Variants in SRBD1 observed in about 807,000 individuals in gnomAD.
SRBD1 encodes the protein S1 RNA binding domain 1.
Under a neutral mutation model 115.3 loss-of-function variants are expected in SRBD1, and 88 were observed. The ratio of observed to expected loss-of-function variants is 0.76; its 90% CI spans 0.64 to 0.91. The LOEUF (loss-of-function observed/expected upper bound fraction) is 0.91. Ranked by LOEUF, SRBD1 falls within the 40% of genes least tolerant of loss-of-function variation. SRBD1 has a pLI of 0.00. For synonymous variants in SRBD1, 509 were observed against 407.7 expected (o/e 1.25, Z -2.99); for missense variants, 1,385 against 1,177.4 (o/e 1.18, Z -2.58).
intron 16 of SRBD1, among the ~76,000 whole-genome samples, chr2:45,463,393 ATTC>A (rs1669384657): frequency 6.6e-6 from 1 of 152,168 alleles, no homozygotes; most frequent in Non-Finnish European, 1.5e-5. Flanking sequence ...TGCCTGTGCT[ATTC>A]TTAAAGATCA....
Position 45,413,124 on chromosome 2 carries a change from T to G in SRBD1, c.2503A>C (p.Ile835Leu), listed in dbSNP as rs770600581. ...QTCIHPESYD[I>L]AMRFLSSIGG... ...GGGCCTCAGACTTACCTCATTGCTA[T>G]GTCATATGATTCTGGATGAATACAA... The change falls in exon 19 of 21, where the codon ATA (isoleucine) becomes CTA (leucine). Residue 835 changes from isoleucine to leucine, a missense_variant. Ile to Leu is a conservative substitution (Grantham distance 5). Transcript: ENST00000263736. The G allele has an allele frequency of 2.5e-6, 4 of 1,613,676 alleles. No individual in the cohort carries two copies. The highest frequency in any genetic ancestry group is 3.4e-6 in the Non-Finnish European group (4 of 1,179,806).
rs1558563586 is a variant in SRBD1, at chr2:45,414,807, C to CACACACATAGTGTGTATATAGTATGTAT, written c.2334-1515_2334-1514insATACATACTATATACACACTATGTGTGT. On this transcript the variant is annotated intron_variant, in intron 18 of 20. Transcript: ENST00000263736. ...ACACATAGTGTGTATATAGTATGTA[C>CACACACATAGTGTGTATATAGTATGTAT]ACACACATATAGTGTGTATATAGTA... Among the ~76,000 whole-genome samples the CACACACATAGTGTGTATATAGTATGTAT allele has an allele frequency of 3.7e-5, 5 of 136,696 alleles. 1 individual carries two copies. The highest frequency in any genetic ancestry group is 1.5e-4 in the African/African-American group (5 of 34,278). The allele number at this position is 136,696 out of a possible 152,430, so 89.7% of individuals were successfully genotyped here.
intron 14 of SRBD1, among the ~76,000 whole-genome samples, chr2:45,503,683 C>G (rs1032752278): frequency 2.0e-5 from 3 of 152,132 alleles, no homozygotes; most frequent in Admixed American, 1.3e-4. Flanking sequence ...TAATTAGCAA[C>G]TGTGTGAAAC....
intron 16 of SRBD1, among the ~76,000 whole-genome samples, chr2:45,450,297 T>A (rs1013439652): frequency 6.6e-6 from 1 of 152,162 alleles, no homozygotes; most frequent in Non-Finnish European, 1.5e-5. Flanking sequence ...AGGGCAGGGA[T>A]CATGAACTTT....
At chr2:45,400,556 T>C (rs1667265082) in intron 19 of SRBD1, among the ~76,000 whole-genome samples, 3 of 151,948 alleles carry the variant, frequency 2.0e-5, no homozygotes, top group African/African-American at 4.8e-5. Context: ...TCAAATTACA[T>C]CCAGATCACA....
rs767072527 is a variant in SRBD1, at chr2:45,546,856, G to C, written c.1767-17C>G. 7.5e-6 allele frequency: 12 copies of C among 1,610,592 alleles called. No homozygotes were observed. In the Admixed American group the frequency reaches 2.0e-4, roughly 27 times the overall value. On this transcript the variant is annotated splice_polypyrimidine_tract_variant and intron_variant, in intron 13 of 20. Coordinates refer to ENST00000263736, the MANE Select transcript of SRBD1 (RefSeq NM_018079.5). ...GTGCTGCAGCTTCAAGGCAGAAACAGAATGACAAACTGAATTTCAAGGCAT... is the reference window on the plus strand; with the variant it reads ...GTGCTGCAGCTTCAAGGCAGAAACACAATGACAAACTGAATTTCAAGGCAT...
chr2:45,425,681 T>A (rs1265763046), intron 16 of SRBD1, among the ~76,000 whole-genome samples: 1 of 151,502 alleles, frequency 6.6e-6, no homozygotes, highest in African/African-American at 2.4e-5. Flanking sequence ...AGAAGCAGGG[T>A]GGAAAGCGCA....
chr2:45,595,769 A>G (rs559923464), intron 4 of SRBD1, among the ~76,000 whole-genome samples: 1 of 152,380 alleles, frequency 6.6e-6, no homozygotes, highest in South Asian at 2.1e-4. Context: ...TTAAGGAAGG[A>G]TAATTGCAAC....
rs148010657 is a variant in SRBD1 at position 45,543,419 on chromosome 2, T to A, written c.1874+3313A>T. On this transcript the variant is annotated intron_variant, in intron 14 of 20. Coordinates refer to ENST00000263736, the MANE Select transcript of SRBD1 (RefSeq NM_018079.5). ...TGGCATTTGTTAACCTATGGCAGCA[T>A]GTCAGGGCAAAGAGTGTTGGAAGGA... Among the ~76,000 whole-genome samples the A allele has an allele frequency of 7.0e-3, 1,065 of 152,324 alleles. 9 individuals carry two copies. The highest frequency in any genetic ancestry group is 0.011 in the Non-Finnish European group (719 of 68,032).
intron 16 of SRBD1, among the ~76,000 whole-genome samples, 178 bp downstream of exon 16, chr2:45,476,812 GAAC>G (rs773811668): frequency 5.3e-5 from 8 of 152,046 alleles, no homozygotes; most frequent in African/African-American, 9.7e-5. Context: ...ATTAACACGA[GAAC>G]AACAATGACA....
chr2:45,607,201 A>T (rs1674300044), intron 1 of SRBD1, among the ~76,000 whole-genome samples: 1 of 152,228 alleles, frequency 6.6e-6, no homozygotes, highest in East Asian at 1.9e-4. Context: ...GGTAATTGTG[A>T]TTTTTATATT....
intron 7 of SRBD1, among the ~76,000 whole-genome samples, chr2:45,576,114 CA>C (rs1673169480): frequency 6.6e-6 from 1 of 151,028 alleles, no homozygotes. Context: ...GAGACAGAAA[CA>C]ACTCCTCCTC....
At chr2:45,558,685 ATTTTTTT>A (rs1214807980) in intron 10 of SRBD1, among the ~76,000 whole-genome samples, 5 of 89,530 alleles carry the variant, frequency 5.6e-5, no homozygotes, top group Non-Finnish European at 8.7e-5. Context: ...CCACACAATT[ATTTTTTT>A]TTTTTTTTTT....
intron 16 of SRBD1, among the ~76,000 whole-genome samples, chr2:45,430,195 G>A (rs1668289038): frequency 6.6e-6 from 1 of 152,154 alleles, no homozygotes; most frequent in Non-Finnish European, 1.5e-5. Context: ...AATCAATATT[G>A]TGAAAATGGC....
chr2:45,516,971 A>C (rs6719010), intron 14 of SRBD1, among the ~76,000 whole-genome samples: 14,268 of 152,266 alleles, frequency 0.094, 999 homozygotes, highest in African/African-American at 0.19. Flanking sequence ...GCACCCATGG[A>C]GCTTACATGT....
At chr2:45,440,371 G>A (rs1176659394) in intron 16 of SRBD1, among the ~76,000 whole-genome samples, 4 of 152,152 alleles carry the variant, frequency 2.6e-5, no homozygotes, top group African/African-American at 9.7e-5. Flanking sequence ...ACGAATGATA[G>A]GGCAATACTG....
chr2:45,524,354 G>A (rs1454461202), intron 14 of SRBD1, among the ~76,000 whole-genome samples: 1 of 152,000 alleles, frequency 6.6e-6, no homozygotes, highest in Non-Finnish European at 1.5e-5. Flanking sequence ...TAGAAAGGAA[G>A]AAGATGATCT....
At chr2:45,583,993 C>T (rs573169761) in intron 5 of SRBD1, among the ~76,000 whole-genome samples, 1 of 152,242 alleles carries the variant, frequency 6.6e-6, no homozygotes, top group South Asian at 2.1e-4. Flanking sequence ...TGTTAGACTA[C>T]CCTTTAATTT....
chr2:45,602,522 T>C (rs1035253435), intron 2 of SRBD1, among the ~76,000 whole-genome samples: 1 of 152,194 alleles, frequency 6.6e-6, no homozygotes, highest in South Asian at 2.1e-4. Flanking sequence ...AATGAAAGGA[T>C]TGAGAAATGG....
Sources: gnomAD v4.1 joint callset for allele counts (sites outside exome capture counted in the v4.1 genomes callset) on GRCh38, gnomAD v4.1.1 for gene constraint, MANE v1.5 for transcripts, NCBI Gene and HGNC (gene_info 2026-07-23, HGNC 2026-07-21) for gene names.